Variants in MLYCD observed in about 807,000 individuals in gnomAD.
The protein encoded by MLYCD is malonyl-CoA decarboxylase, also known as malonyl-CoA decarboxylase, mitochondrial.
MLYCD carries 27 observed loss-of-function variants against 35.8 expected under a neutral mutation model. The observed-to-expected ratio is 0.75, with a 90% CI of 0.56 to 1.04. MLYCD has a LOEUF of 1.04. Ranked by LOEUF, MLYCD falls within the 50% of genes least tolerant of loss-of-function variation. The pLI, the probability that MLYCD is intolerant of heterozygous loss-of-function variation, is 0.00. For missense variants in MLYCD, 917 were observed against 665.1 expected, an observed-to-expected ratio of 1.38 and a Z score of -4.17; for synonymous variants, 403 against 302.4, an observed-to-expected ratio of 1.33 and a Z score of -3.45.
chr16:83,909,835 G>C (rs1907110783), intron 3 of MLYCD, among the ~76,000 whole-genome samples: 1 of 149,800 alleles, frequency 6.7e-6, no homozygotes, highest in Non-Finnish European at 1.5e-5. Context: ...ATTTCACCAT[G>C]TTGGCCAGGC....
chr16:83,918,722 A>C lies in MLYCD; in HGVS notation c.*3233A>C. 1 of 148,674 alleles carries C rather than the reference A, an allele frequency of 6.7e-6. No homozygotes were observed. The highest frequency in any genetic ancestry group is 2.2e-4 in the South Asian group (1 of 4,574). 9.2% of individuals were successfully genotyped at this position (148,674 alleles called of 1,614,324 possible). On this transcript the variant is annotated 3_prime_UTR_variant, in exon 5 of 5. Coordinates refer to ENST00000262430, the MANE Select transcript of MLYCD (RefSeq NM_012213.3). ...GCACAGTGCACAGGAGAAAACGCAC[A>C]CACAGTGCACAGAACACAGTGCACA...
intron 4 of MLYCD, chr16:83,914,705 G>C (rs908022445): frequency 3.9e-6 from 2 of 512,668 alleles, no homozygotes; most frequent in Non-Finnish European, 7.0e-6. Context: ...CTTGGACCCA[G>C]GAGATGGAGG....
intron 1 of MLYCD, among the ~76,000 whole-genome samples, chr16:83,905,428 G>C (rs1013543584): frequency 6.6e-6 from 1 of 152,122 alleles, no homozygotes; most frequent in East Asian, 1.9e-4. Flanking sequence ...ACAGTGATTT[G>C]AATATGACAG....
At chr16:83,904,256 TGG>T (rs923187638) in intron 1 of MLYCD, among the ~76,000 whole-genome samples, 37 of 152,324 alleles carry the variant, frequency 2.4e-4, no homozygotes, top group African/African-American at 8.2e-4. Flanking sequence ...GTTCCTAAAC[TGG>T]GGTACAGAAG....
At chr16:83,905,294 C>A (rs1906935508) in intron 1 of MLYCD, among the ~76,000 whole-genome samples, 4 of 151,940 alleles carry the variant, frequency 2.6e-5, no homozygotes, top group African/African-American at 9.7e-5. Flanking sequence ...TTCTTTATGA[C>A]CCTTGTAGAG....
At position 83,899,115 on chromosome 16, in the gene MLYCD, G is replaced by C. The variant is rs915178750; in HGVS notation, c.-30G>C. On this transcript the variant is annotated 5_prime_UTR_variant, in exon 1 of 5. Coordinates refer to ENST00000262430, the MANE Select transcript of MLYCD (RefSeq NM_012213.3). ...CCGGAAGCGCGGCAGCGGCGGCGGC[G>C]CTCCCCCTCGGCAGCTGTTGTGGGG... The C allele has an allele frequency of 3.2e-5, 35 of 1,097,128 alleles. No homozygotes were observed. The highest frequency in any genetic ancestry group is 8.0e-4 in the Middle Eastern group (2 of 2,510). 68.0% of individuals were successfully genotyped at this position (1,097,128 alleles called of 1,614,324 possible).
rs1292162462 is a variant in MLYCD at position 83,906,883 on chromosome 16, A to G, written c.529-104A>G. ...GAGAGTTGTCTTGCACAATTGTCTT[A>G]TGTATCGTGCTTGAGTGTTTTCATT... On this transcript the variant is annotated intron_variant, in intron 1 of 4. Coordinates refer to ENST00000262430, the MANE Select transcript of MLYCD (RefSeq NM_012213.3). The G allele has an allele frequency of 5.3e-6, 5 of 945,050 alleles. No homozygotes were observed. The South Asian group carries it at 6.5e-5, about 12-fold the overall frequency. 58.5% of individuals were successfully genotyped at this position (945,050 alleles called of 1,614,324 possible).
In MLYCD at chr16:83,916,667, T is replaced by C. The variant is rs1452287539; in HGVS notation, c.*1178T>C. 2.4e-5 allele frequency: 3 copies of C among 126,276 alleles called. No individual in the cohort carries two copies. The allele number at this position is 126,276 out of a possible 1,614,324, so 7.8% of individuals were successfully genotyped here. The stretch of plus-strand genomic sequence containing the variant: ...GCGTGTGCACGAGCATCTCTGTGTG[T>C]GTCAGTGCACGTCTGTGTGCGTGTG... On this transcript the variant is annotated 3_prime_UTR_variant, in exon 5 of 5. Transcript: ENST00000262430.
chr16:83,918,745 A>C lies in MLYCD; in HGVS notation c.*3256A>C. The C allele has an allele frequency of 6.8e-6, 1 of 146,514 alleles. No individual in the cohort carries two copies. The highest frequency in any genetic ancestry group is 2.1e-4 in the East Asian group (1 of 4,692). 9.1% of individuals were successfully genotyped at this position (146,514 alleles called of 1,614,324 possible). ...ACACACAGTGCACAGAACACAGTGCACAGGAGAACACGCACACAGTGCACA... is the reference window on the plus strand; with the variant it reads ...ACACACAGTGCACAGAACACAGTGCCCAGGAGAACACGCACACAGTGCACA... On this transcript the variant is annotated 3_prime_UTR_variant, in exon 5 of 5. Transcript: ENST00000262430.
At chr16:83,911,819 T>G in intron 3 of MLYCD, 1 of 269,406 alleles carries the variant, frequency 3.7e-6, no homozygotes, top group Admixed American at 5.0e-5. Flanking sequence ...CGTCAGTCCT[T>G]TAGGAGAAGC....
chr16:83,907,002 C>T lies in MLYCD; in HGVS notation c.544C>T (p.Leu182=), dbSNP rs1488612596. 6.2e-7 allele frequency: 1 copy of T among 1,614,026 alleles called. No homozygotes were observed. Among genetic ancestry groups the T allele is most frequent in the Non-Finnish European group, 8.5e-7 (1 of 1,179,962 alleles). ...GPDVREMNGV[L]KGMLSEWFSS... ...TCCTTTTCAGGAAATGAATGGGGTGCTGAAAGGAATGCTCTCAGAATGGTT... is the reference window on the plus strand; with the variant it reads ...TCCTTTTCAGGAAATGAATGGGGTGTTGAAAGGAATGCTCTCAGAATGGTT... Residue 182 remains leucine, a synonymous_variant, in exon 2 of 5, where the codon CTG becomes TTG. Transcript: ENST00000262430.
In MLYCD at chr16:83,924,697, C is replaced by G. The variant is rs1359478933; in HGVS notation, c.*9208C>G. 1 of 152,164 alleles carries G rather than the reference C, an allele frequency of 6.6e-6. No individual in the cohort carries two copies. The highest frequency in any genetic ancestry group is 1.5e-5 in the Non-Finnish European group (1 of 68,018). 9.4% of individuals were successfully genotyped at this position (152,164 alleles called of 1,614,324 possible). ...CAGAGCCATGTTTATTTAAGCGGCG[C>G]TGCTCCAGAGAGAACTGGCCATTTG... On this transcript the variant is annotated 3_prime_UTR_variant, in exon 5 of 5. Transcript: ENST00000262430.
intron 1 of MLYCD, among the ~76,000 whole-genome samples, chr16:83,906,704 T>C (rs1376795820): frequency 6.6e-6 from 1 of 150,962 alleles, no homozygotes; most frequent in African/African-American, 2.5e-5. Flanking sequence ...GAAGATATTA[T>C]TTGATTTGGG....
Position 83,899,132 on chromosome 16 carries a change from G to C in MLYCD, c.-13G>C. The C allele has an allele frequency of 5.3e-6, 6 of 1,123,778 alleles. No individual in the cohort carries two copies. Among genetic ancestry groups the C allele is most frequent in the Non-Finnish European group, 6.5e-6 (6 of 921,678 alleles). 69.6% of individuals were successfully genotyped at this position (1,123,778 alleles called of 1,614,324 possible). On this transcript the variant is annotated 5_prime_UTR_variant, in exon 1 of 5. Coordinates refer to ENST00000262430, the MANE Select transcript of MLYCD (RefSeq NM_012213.3). ...GCGGCGGCGCTCCCCCTCGGCAGCT[G>C]TTGTGGGGCACCATGCGAGGCTTCG...
chr16:83,913,089 TCACTGTGTTGGGGGCTG>T (rs1907237915), intron 4 of MLYCD: 1 of 156,984 alleles, frequency 6.4e-6, no homozygotes, highest in South Asian at 1.9e-4. Context: ...AGCAGGGTGT[TCACTGTGTTGGGGGCTG>T]CACATGGCTG....
chr16:83,916,251 C>G lies in MLYCD; in HGVS notation c.*762C>G, dbSNP rs1048864620. 15 of 975,620 alleles carry G rather than the reference C, an allele frequency of 1.5e-5. No individual in the cohort carries two copies. Among genetic ancestry groups the G allele is most frequent in the African/African-American group, 1.8e-5 (1 of 57,132 alleles). 60.4% of individuals were successfully genotyped at this position (975,620 alleles called of 1,614,324 possible). The stretch of plus-strand genomic sequence containing the variant: ...GGGAAGGCTGGAATCAGCCAGCCAG[C>G]CTACGGGGAGTTTGGGATGAAGGAG... On this transcript the variant is annotated 3_prime_UTR_variant, in exon 5 of 5. Transcript: ENST00000262430.
In MLYCD at chr16:83,915,400, A is replaced by G; in HGVS notation, c.1393A>G (p.Ser465Gly). The G allele has an allele frequency of 6.2e-7, 1 of 1,613,896 alleles. No individual in the cohort carries two copies. Among genetic ancestry groups the G allele is most frequent in the South Asian group, 1.1e-5 (1 of 91,086 alleles). Residue 465 changes from serine (S) to glycine (G), a missense_variant, in exon 5 of 5, where the codon AGC (serine) becomes GGC (glycine). Ser to Gly is a moderately conservative substitution (Grantham distance 56, BLOSUM62 0). Transcript: ENST00000262430. ...RYFLEETGPN[S>G]TSYLGSKIIK... The stretch of plus-strand genomic sequence containing the variant: ...CTTCCTGGAGGAGACGGGCCCCAAC[A>G]GCACCTCCTACCTCGGCTCCAAGAT...
At chr16:83,907,402 C>G (rs115492103) in intron 2 of MLYCD, among the ~76,000 whole-genome samples, 2 of 152,274 alleles carry the variant, frequency 1.3e-5, no homozygotes, top group Non-Finnish European at 1.5e-5. Flanking sequence ...CCCAAGACCC[C>G]GTGATCAGAG....
intron 1 of MLYCD, among the ~76,000 whole-genome samples, chr16:83,904,245 C>T (rs1906900117): frequency 6.6e-6 from 1 of 152,136 alleles, no homozygotes; most frequent in Non-Finnish European, 1.5e-5. Context: ...TCAGCTCATC[C>T]GTTCCTAAAC....
Sources: gnomAD v4.1 joint callset for allele counts (sites outside exome capture counted in the v4.1 genomes callset) on GRCh38, gnomAD v4.1.1 for gene constraint, MANE v1.5 for transcripts, NCBI Gene and HGNC (gene_info 2026-07-23, HGNC 2026-07-21) for gene names.